The following FIG4 variants were observed in gnomAD, a reference collection of about 807,000 sequenced individuals.
FIG4 encodes polyphosphoinositide phosphatase.
A neutral mutation model predicts 118.6 loss-of-function variants in FIG4; 112 were observed. The observed-to-expected ratio is 0.94, with a 90% CI of 0.81 to 1.11. FIG4 has a LOEUF of 1.11. Ranked by LOEUF, FIG4 falls within the 50% of genes least tolerant of loss-of-function variation. The pLI is 0.00. For missense variants in FIG4, 969 were observed against 1,111.7 expected (o/e 0.87, Z 1.83); for synonymous variants, 369 against 381.2 (o/e 0.97, Z 0.37).
intron 10 of FIG4, among the ~76,000 whole-genome samples, chr6:109,757,312 A>G (rs1776945616): frequency 6.6e-6 from 1 of 152,246 alleles, no homozygotes; most frequent in Non-Finnish European, 1.5e-5. Flanking sequence ...CTGGTTCAAC[A>G]TATGCGAATC....
At chr6:109,702,793 A>C (rs1251526371) in intron 1 of FIG4, among the ~76,000 whole-genome samples, 1 of 152,104 alleles carries the variant, frequency 6.6e-6, no homozygotes, top group Non-Finnish European at 1.5e-5. Context: ...AGTTCTTACT[A>C]CAAATTTGTA....
At chr6:109,701,046 C>T (rs536042803) in intron 1 of FIG4, among the ~76,000 whole-genome samples, 4 of 152,126 alleles carry the variant, frequency 2.6e-5, no homozygotes, top group Non-Finnish European at 5.9e-5. Flanking sequence ...TGTCCTGAGC[C>T]TTCATTTAGA....
chr6:109,807,956 C>T (rs564642459), intron 22 of FIG4, among the ~76,000 whole-genome samples: 6 of 151,980 alleles, frequency 3.9e-5, no homozygotes, highest in Non-Finnish European at 8.8e-5. Flanking sequence ...CAGAGCAGAT[C>T]AGAGTTACTT....
intron 22 of FIG4, among the ~76,000 whole-genome samples, chr6:109,815,053 T>G (rs747750234): frequency 6.6e-6 from 1 of 152,012 alleles, no homozygotes; most frequent in Non-Finnish European, 1.5e-5. Flanking sequence ...TAGCTAAATA[T>G]ATATTTAAAT....
rs780777488 is a variant in FIG4, at chr6:109,765,007, C to G, written c.1435-6C>G. The G allele has an allele frequency of 5.0e-6, 8 of 1,613,002 alleles. No homozygotes were observed. The highest frequency in any genetic ancestry group is 1.7e-6 in the Non-Finnish European group (2 of 1,179,080). Reference sequence around the variant, plus strand: ...TGATTGAAAATCTTAAGGTATTTCTCTTTAGACTGGCATCCTTCGAACCAA... The same window carrying G: ...TGATTGAAAATCTTAAGGTATTTCTGTTTAGACTGGCATCCTTCGAACCAA... On this transcript the variant is annotated splice_region_variant and splice_polypyrimidine_tract_variant and intron_variant, in intron 13 of 22. Coordinates refer to ENST00000230124, the MANE Select transcript of FIG4 (RefSeq NM_014845.6).
intron 20 of FIG4, 140 bp downstream of exon 20, chr6:109,791,711 A>C (rs1778144025): frequency 2.7e-6 from 2 of 746,982 alleles, no homozygotes; most frequent in Non-Finnish European, 4.6e-6. Context: ...CATAAGATGA[A>C]TACATTTAGC....
chr6:109,724,144 T>A (rs1419309912), intron 3 of FIG4, among the ~76,000 whole-genome samples: 1 of 152,050 alleles, frequency 6.6e-6, no homozygotes, highest in Non-Finnish European at 1.5e-5. Flanking sequence ...AACAAACGAA[T>A]CTGGAAAGGC....
At chr6:109,820,514 TG>T (rs1778975597) in intron 22 of FIG4, among the ~76,000 whole-genome samples, 1 of 151,884 alleles carries the variant, frequency 6.6e-6, no homozygotes, top group South Asian at 2.1e-4. Flanking sequence ...ACGTGGGAGT[TG>T]AGCTGGGAAA....
chr6:109,691,592 C>A, intron 1 of FIG4, 91 bp downstream of exon 1: 1 of 1,092,598 alleles, frequency 9.2e-7, no homozygotes, highest in Non-Finnish European at 1.4e-6. Flanking sequence ...ACTCTGCCTC[C>A]TCCTCCTTCC....
At chr6:109,813,714 C>T (rs1050625316) in intron 22 of FIG4, among the ~76,000 whole-genome samples, 25 of 152,150 alleles carry the variant, frequency 1.6e-4, no homozygotes, top group African/African-American at 5.8e-4. Context: ...TTTGTGACCA[C>T]GAGCATACAG....
intron 22 of FIG4, among the ~76,000 whole-genome samples, chr6:109,822,783 GTATGTATATATATATATATATATATATA>G (rs200880730): frequency 8.3e-6 from 1 of 120,682 alleles, no homozygotes; most frequent in African/African-American, 3.5e-5. Context: ...GTGTGTGTGT[GTATGTATATATATATATATATATATATA>G]TATATATATA....
At chr6:109,810,220 A>G (rs935423568) in intron 22 of FIG4, among the ~76,000 whole-genome samples, 1 of 152,226 alleles carries the variant, frequency 6.6e-6, no homozygotes, top group Non-Finnish European at 1.5e-5. Context: ...GATGTAGGGA[A>G]GTTGATCACA....
At chr6:109,723,206 G>T (rs190124598) in intron 3 of FIG4, among the ~76,000 whole-genome samples, 404 of 152,178 alleles carry the variant, frequency 2.7e-3, no homozygotes, top group Non-Finnish European at 3.8e-3. Context: ...GAAAGAGTCT[G>T]CTGAGCTCCT....
Position 109,727,119 on chromosome 6 carries a change from G to T in FIG4, c.300G>T (p.Arg100Ser), listed in dbSNP as rs368831195. The change falls in exon 4 of 23, where the codon AGG (arginine) becomes AGT (serine). Residue 100 changes from arginine to serine, a missense_variant. Arg to Ser is a moderately radical substitution (Grantham distance 110). This residue lies in a region of FIG4 where 393 missense variants were observed against 409.4 expected (regional missense o/e 0.96). Transcript: ENST00000230124. ...TTTTTTGTTGCATAGGTTTTGTCAG[G>T]TTCTTAGAAGGCTATTATATTGTGT... The part of the protein sequence containing the change: ...VSAFGVVGFV[R>S]FLEGYYIVLI... 1 of 1,610,360 alleles carries T rather than the reference G, an allele frequency of 6.2e-7. No homozygotes were observed. Among genetic ancestry groups the T allele is most frequent in the Non-Finnish European group, 8.5e-7 (1 of 1,176,656 alleles).
intron 22 of FIG4, among the ~76,000 whole-genome samples, chr6:109,804,251 A>G (rs775565895): frequency 2.0e-5 from 3 of 152,102 alleles, no homozygotes; most frequent in East Asian, 1.9e-4. Context: ...TTAACCTTTA[A>G]TATTTTGTTA....
rs571649446 is a variant in FIG4, at chr6:109,795,095, G to GTTTTTT, written c.2460-1635_2460-1630dup. Among the ~76,000 whole-genome samples, 188 of 57,250 alleles carry GTTTTTT rather than the reference G, an allele frequency of 3.3e-3. 70 individuals are homozygous for GTTTTTT. Among genetic ancestry groups the GTTTTTT allele is most frequent in the Non-Finnish European group, 5.1e-3 (147 of 28,708 alleles). 37.6% of individuals were successfully genotyped at this position (57,250 alleles called of 152,430 possible). A position where few individuals can be genotyped will look rare whatever the true frequency, so the allele number is the denominator to read the frequency against. Reference sequence around the variant, plus strand: ...TCCTCAAAGCTTCATACACTTGCCAGTTTTTTTTTTTTTTTTTTTTTTTTT... The same window carrying GTTTTTT: ...TCCTCAAAGCTTCATACACTTGCCAGTTTTTTTTTTTTTTTTTTTTTTTTTTTTTTT... On this transcript the variant is annotated intron_variant, in intron 21 of 22. Coordinates refer to ENST00000230124, the MANE Select transcript of FIG4 (RefSeq NM_014845.6).
chr6:109,800,711 C>T (rs1294796738), intron 22 of FIG4, among the ~76,000 whole-genome samples: 2 of 152,134 alleles, frequency 1.3e-5, no homozygotes, highest in Non-Finnish European at 2.9e-5. Flanking sequence ...AGAATGCTCC[C>T]TCCATGTCCC....
chr6:109,701,683 A>G (rs895867597), intron 1 of FIG4: 4 of 471,202 alleles, frequency 8.5e-6, no homozygotes, highest in African/African-American at 8.0e-5. Context: ...GCTCCCTCCC[A>G]CCCCCATCAC....
intron 15 of FIG4, among the ~76,000 whole-genome samples, chr6:109,773,884 C>T (rs1777539493): frequency 6.6e-6 from 1 of 152,088 alleles, no homozygotes; most frequent in South Asian, 2.1e-4. Context: ...GTTGCCCAGG[C>T]TGGTTCCTAA....
Sources: gnomAD v4.1 joint callset for allele counts (sites outside exome capture counted in the v4.1 genomes callset) on GRCh38, gnomAD v4.1.1 for gene constraint, gnomAD v4.1.1 regional missense constraint, MANE v1.5 for transcripts, NCBI Gene and HGNC (gene_info 2026-07-23, HGNC 2026-07-21) for gene names.